Variants in RARB observed in about 807,000 individuals in gnomAD.
The protein encoded by RARB is HBV-activated protein.
In RARB, 17 loss-of-function variants were observed where a neutral mutation model predicts 51.9. The observed-to-expected ratio is 0.33, with a 90% CI of 0.22 to 0.49. RARB has a LOEUF of 0.49. Ranked by LOEUF, RARB falls within the 20% of genes least tolerant of loss-of-function variation. The pLI, the probability that RARB is intolerant of heterozygous loss-of-function variation, is 0.99. For missense variants in RARB, 369 were observed against 550.8 expected (o/e 0.67, Z 3.30); for synonymous variants, 215 against 195.4 (o/e 1.10, Z -0.84).
intron 3 of RARB, among the ~76,000 whole-genome samples, chr3:25,535,290 G>C (rs1046128741): frequency 6.6e-6 from 1 of 152,106 alleles, no homozygotes; most frequent in African/African-American, 2.4e-5. Context: ...TGCTTGGAGT[G>C]ATGTCAGGGC....
At chr3:25,136,160 A>G (rs1472737680) in intron 4 of RARB, among the ~76,000 whole-genome samples, 2 of 151,974 alleles carry the variant, frequency 1.3e-5, no homozygotes, top group Non-Finnish European at 2.9e-5. Flanking sequence ...ATCCCTCAAT[A>G]TGCCAGGAGA....
chr3:25,527,837 C>T (rs1004277912), intron 3 of RARB, among the ~76,000 whole-genome samples: 2 of 152,180 alleles, frequency 1.3e-5, no homozygotes, highest in African/African-American at 2.4e-5. Context: ...AAACAACTCA[C>T]TCTGTAAACC....
At chr3:25,352,632 T>A (rs1705609785) in intron 5 of RARB, among the ~76,000 whole-genome samples, 1 of 152,232 alleles carries the variant, frequency 6.6e-6, no homozygotes, top group African/African-American at 2.4e-5. Context: ...GTTAACTAAT[T>A]AGCTTATTGC....
intron 5 of RARB, among the ~76,000 whole-genome samples, chr3:25,256,725 A>G (rs1702873623): frequency 6.6e-6 from 1 of 152,146 alleles, no homozygotes; most frequent in Non-Finnish European, 1.5e-5. Context: ...AGAAAAGATA[A>G]AGGAAACTCA....
intron 5 of RARB, among the ~76,000 whole-genome samples, chr3:25,223,970 T>C (rs1702001284): frequency 1.3e-5 from 2 of 152,236 alleles, no homozygotes; most frequent in East Asian, 1.9e-4. Context: ...TTTTGAGTTA[T>C]ACATGCTCTT....
chr3:24,915,853 G>A (rs1695096607), intron 2 of RARB, among the ~76,000 whole-genome samples: 1 of 152,144 alleles, frequency 6.6e-6, no homozygotes, highest in African/African-American at 2.4e-5. Context: ...TCTCACCCCA[G>A]TAGAAGGAAT....
Position 25,050,252 on chromosome 3 carries a change from A to G in RARB, c.-379-9873A>G, listed in dbSNP as rs181194269. 2.5e-3 allele frequency among the ~76,000 whole-genome samples: 376 copies of G among 152,218 alleles called. 2 individuals carry two copies. Among genetic ancestry groups the G allele is most frequent in the African/African-American group, 8.4e-3 (350 of 41,552 alleles). On this transcript the variant is annotated intron_variant, in intron 2 of 11. Coordinates refer to the RARB transcript ENST00000383772. ...TGACTCCCAGGCTGTGGCTGTGGAA[A>G]GAGTCTAGAGGGCACATTTACTATG... is the stretch of plus-strand genomic sequence containing the variant.
chr3:25,315,653 G>T (rs1029968839), intron 5 of RARB, among the ~76,000 whole-genome samples: 2 of 152,034 alleles, frequency 1.3e-5, no homozygotes, highest in African/African-American at 4.8e-5. Flanking sequence ...TTGCTCTGTC[G>T]CCCAGGCTGG....
intron 3 of RARB, among the ~76,000 whole-genome samples, chr3:25,083,593 T>C (rs578168090): frequency 6.6e-6 from 1 of 152,336 alleles, no homozygotes; most frequent in South Asian, 2.1e-4. Flanking sequence ...ACTTTTGAAA[T>C]CATTGTTCAC....
chr3:25,087,533 C>G (rs1699125328), intron 3 of RARB, among the ~76,000 whole-genome samples: 1 of 152,030 alleles, frequency 6.6e-6, no homozygotes, highest in Non-Finnish European at 1.5e-5. Flanking sequence ...TCTCTTCTGC[C>G]ATAAAATGGG....
At chr3:25,037,272 T>TC (rs565159613) in intron 2 of RARB, among the ~76,000 whole-genome samples, 156 of 152,108 alleles carry the variant, frequency 1.0e-3, no homozygotes, top group African/African-American at 3.7e-3. Context: ...TTTTTTTTTT[T>TC]TCCTGTTGGC....
At chr3:24,871,405 A>T (rs993501095) in intron 2 of RARB, among the ~76,000 whole-genome samples, 1 of 152,156 alleles carries the variant, frequency 6.6e-6, no homozygotes, top group African/African-American at 2.4e-5. Flanking sequence ...GTCCTTCTTG[A>T]CACAATTTTC....
At chr3:25,571,631 T>C (rs1700715860) in intron 4 of RARB, among the ~76,000 whole-genome samples, 1 of 152,228 alleles carries the variant, frequency 6.6e-6, no homozygotes, top group South Asian at 2.1e-4. Context: ...GAAAGTGGAA[T>C]GTGACCCCAT....
At chr3:24,938,885 A>G (rs1201595545) in intron 2 of RARB, among the ~76,000 whole-genome samples, 2 of 152,216 alleles carry the variant, frequency 1.3e-5, no homozygotes, top group Non-Finnish European at 2.9e-5. Context: ...ATGTTGTAGC[A>G]TGTATCAAAG....
intron 3 of RARB, among the ~76,000 whole-genome samples, chr3:25,550,821 T>C (rs1340454449): frequency 1.3e-5 from 2 of 152,274 alleles, no homozygotes; most frequent in Middle Eastern, 3.4e-3. Flanking sequence ...CTCCCACTTA[T>C]AAGTGAGGAC....
intron 2 of RARB, among the ~76,000 whole-genome samples, chr3:25,046,644 G>A (rs531996323): frequency 2.0e-5 from 3 of 151,896 alleles, no homozygotes; most frequent in South Asian, 2.1e-4. Context: ...TGATAGAGAC[G>A]GGGTTTCACC....
At chr3:25,450,236 T>C (rs973285313) in intron 1 of RARB, among the ~76,000 whole-genome samples, 2 of 152,228 alleles carry the variant, frequency 1.3e-5, no homozygotes, top group Non-Finnish European at 2.9e-5. Context: ...GTGACCATAT[T>C]AGTCGCATTA....
Position 25,482,117 on chromosome 3 carries a change from T to TC in RARB, c.307-19063dup, listed in dbSNP as rs376531773. On this transcript the variant is annotated intron_variant, in intron 2 of 7. Transcript: ENST00000330688. The stretch of plus-strand genomic sequence containing the variant: ...CCTCTGCTTTCAGCTCCCTTTTTTT[T>TC]CCTACAGAACCTGGCTGGACATGTG... Among the ~76,000 whole-genome samples, 32 of 152,312 alleles carry TC rather than the reference T, an allele frequency of 2.1e-4. 1 individual carries two copies. Among genetic ancestry groups the TC allele is most frequent in the Middle Eastern group, 3.4e-3 (1 of 294 alleles).
intron 1 of RARB, among the ~76,000 whole-genome samples, chr3:25,443,171 T>C (rs1708774235): frequency 6.6e-6 from 1 of 152,146 alleles, no homozygotes; most frequent in Admixed American, 6.5e-5. Flanking sequence ...GCTAATATTT[T>C]TTGGTTATTC....
Sources: allele counts gnomAD v4.1 joint callset (sites outside exome capture counted in the v4.1 genomes callset), GRCh38; gene constraint gnomAD v4.1.1; transcripts MANE v1.5; gene names NCBI Gene and HGNC (gene_info 2026-07-23, HGNC 2026-07-21).